Variants in ACAT1 observed in about 807,000 individuals in gnomAD.
ACAT1 encodes the protein acetyl-CoA acetyltransferase 1, also known as acetyl-CoA acetyltransferase, mitochondrial.
ACAT1 carries 28 observed loss-of-function variants against 47.3 expected under a neutral mutation model. The ratio of observed to expected loss-of-function variants is 0.59; its 90% CI spans 0.44 to 0.81. ACAT1 has a LOEUF of 0.81. Among genes scored for constraint, ACAT1 ranks in the 30% least tolerant of loss-of-function variants. The pLI is 0.00. For missense variants in ACAT1, 469 were observed against 524.3 expected (o/e 0.89, Z 1.03); for synonymous variants, 181 against 173.6 (o/e 1.04, Z -0.34).
chr11:108,134,148 C>T (rs1285482798), intron 3 of ACAT1, 73 bp from the exon 4 acceptor site: 4 of 1,384,636 alleles, frequency 2.9e-6, no homozygotes, highest in Non-Finnish European at 4.1e-6. Context: ...GTAATGTCAC[C>T]TACCTTATTA....
At chr11:108,128,880 T>C (rs1272581593) in intron 1 of ACAT1, 1 of 152,190 alleles carries the variant, frequency 6.6e-6, no homozygotes, top group African/African-American at 2.4e-5. Context: ...AAGGGGACTT[T>C]TAAAATTTAA....
intron 5 of ACAT1, chr11:108,137,014 A>G (rs1282836920): frequency 1.3e-5 from 2 of 152,198 alleles, no homozygotes; most frequent in African/African-American, 2.4e-5. Context: ...TTAAACTTAT[A>G]TATGCCAGTT....
intron 1 of ACAT1, among the ~76,000 whole-genome samples, chr11:108,126,115 AC>A (rs2077243091): frequency 6.6e-6 from 1 of 151,894 alleles, no homozygotes; most frequent in Non-Finnish European, 1.5e-5. Flanking sequence ...CGATTCTCCC[AC>A]CTCAACCTCC....
intron 1 of ACAT1, among the ~76,000 whole-genome samples, chr11:108,122,938 A>G (rs1373396828): frequency 6.6e-6 from 1 of 152,192 alleles, no homozygotes; most frequent in Non-Finnish European, 1.5e-5. Flanking sequence ...AAGATCTTAC[A>G]ATCAGGTTGG....
Position 108,133,520 on chromosome 11 carries a change from G to A in ACAT1, c.121-300G>A, listed in dbSNP as rs559280141. Among the ~76,000 whole-genome samples, 8 of 152,176 alleles carry A rather than the reference G, an allele frequency of 5.3e-5. No individual in the cohort carries two copies. The East Asian group carries it at 1.5e-3, about 29-fold the overall frequency. ...ATACAAAAACAAACAAAAAAACAAG[G>A]TACAGTGATCATTTCTTGAATTTTG... On this transcript the variant is annotated intron_variant, in intron 2 of 11. Coordinates refer to ENST00000265838, the MANE Select transcript of ACAT1 (RefSeq NM_000019.4).
At chr11:108,127,547 C>T (rs1157766352) in intron 1 of ACAT1, among the ~76,000 whole-genome samples, 2 of 151,966 alleles carry the variant, frequency 1.3e-5, no homozygotes, top group East Asian at 1.9e-4. Context: ...GGATTACAGG[C>T]GTGAGCCACT....
intron 1 of ACAT1, 199 bp downstream of exon 1, chr11:108,121,877 G>C (rs1023543293): frequency 3.1e-5 from 19 of 609,582 alleles, no homozygotes; most frequent in Admixed American, 1.4e-4. Flanking sequence ...TTTTTACAGC[G>C]CGTTTCTACT....
At chr11:108,138,399 C>CTT (rs1351145995) in intron 5 of ACAT1, among the ~76,000 whole-genome samples, 16 of 143,048 alleles carry the variant, frequency 1.1e-4, no homozygotes, top group Middle Eastern at 3.4e-3. Flanking sequence ...TCCGCCTCTA[C>CTT]TTTTTTTTTT....
At chr11:108,124,806 T>C (rs2077219480) in intron 1 of ACAT1, among the ~76,000 whole-genome samples, 1 of 152,170 alleles carries the variant, frequency 6.6e-6, no homozygotes. Flanking sequence ...GCCAATTTTG[T>C]TCCGAATTCG....
rs3741054 is a variant in ACAT1 at position 108,121,585 on chromosome 11, C to G, written c.-22C>G. 256,119 of 1,549,518 alleles carry G rather than the reference C, an allele frequency of 0.17. 22,130 individuals carry two copies. The highest frequency in any genetic ancestry group is 0.18 in the Non-Finnish European group (204,351 of 1,146,346). ...GGCCGCTAGTCTACGCCTGTGGAGC[C>G]GATACTCAGCCCTCTGCGACCATGG... On this transcript the variant is annotated 5_prime_UTR_variant, in exon 1 of 12. Coordinates refer to ENST00000265838, the MANE Select transcript of ACAT1 (RefSeq NM_000019.4).
rs139533236 is a variant in ACAT1 at position 108,140,392 on chromosome 11, A to G, written c.730+177A>G. ...CTACCCAACTTAATGTCAGATTTCA[A>G]TCCATTTATAAGATCCCTGAGTATT... On this transcript the variant is annotated intron_variant, in intron 7 of 11. Transcript: ENST00000265838. Among the ~76,000 whole-genome samples the G allele has an allele frequency of 3.8e-3, 573 of 152,378 alleles. 1 individual carries two copies. Among genetic ancestry groups the G allele is most frequent in the African/African-American group, 0.013 (545 of 41,584 alleles).
chr11:108,139,453 CGTGGT>C (rs2077540636), intron 6 of ACAT1, among the ~76,000 whole-genome samples: 1 of 151,530 alleles, frequency 6.6e-6, no homozygotes, highest in Admixed American at 6.6e-5. Flanking sequence ...ATTAGCCAGG[CGTGGT>C]GGTGGTGTCT....
At chr11:108,137,691 G>A (rs561434380) in intron 5 of ACAT1, among the ~76,000 whole-genome samples, 1 of 152,146 alleles carries the variant, frequency 6.6e-6, no homozygotes, top group South Asian at 2.1e-4. Flanking sequence ...CCTGTAATCC[G>A]AGCACTTTGG....
intron 1 of ACAT1, among the ~76,000 whole-genome samples, chr11:108,122,997 G>A (rs1362049409): frequency 2.0e-5 from 3 of 152,158 alleles, no homozygotes; most frequent in Non-Finnish European, 4.4e-5. Context: ...GGCCGGGGTG[G>A]GTAGATCATT....
chr11:108,120,731 G>A (rs1304566992), upstream of ACAT1, among the ~76,000 whole-genome samples: 1 of 152,032 alleles, frequency 6.6e-6, no homozygotes, highest in African/African-American at 2.4e-5. Flanking sequence ...ACCCATATTT[G>A]TATCTGGACT....
intron 10 of ACAT1, 180 bp downstream of exon 10, chr11:108,144,227 A>T: frequency 1.5e-6 from 1 of 665,984 alleles, no homozygotes; most frequent in South Asian, 1.8e-5. Flanking sequence ...ACAAAAAAAA[A>T]AAAATAAAGA....
chr11:108,127,265 C>G (rs1488506414), intron 1 of ACAT1, among the ~76,000 whole-genome samples: 1 of 146,352 alleles, frequency 6.8e-6, no homozygotes, highest in Non-Finnish European at 1.5e-5. Flanking sequence ...CACATAGAAG[C>G]CTTTTTTTTT....
chr11:108,131,712 G>C (rs972602849), intron 1 of ACAT1, among the ~76,000 whole-genome samples, 195 bp from the exon 2 acceptor site: 21 of 151,852 alleles, frequency 1.4e-4, no homozygotes, highest in African/African-American at 5.1e-4. Flanking sequence ...CCAATGAATA[G>C]TTAATTAGAA....
upstream of ACAT1, among the ~76,000 whole-genome samples, chr11:108,117,558 C>G (rs1864976848): frequency 6.6e-6 from 1 of 152,058 alleles, no homozygotes; most frequent in African/African-American, 2.4e-5. Flanking sequence ...ATCTGCCCTC[C>G]TTGGCCTCCC....
Sources: gnomAD v4.1 joint callset for allele counts (sites outside exome capture counted in the v4.1 genomes callset) on GRCh38, gnomAD v4.1.1 for gene constraint, MANE v1.5 for transcripts, NCBI Gene and HGNC (gene_info 2026-07-23, HGNC 2026-07-21) for gene names.